LYSMD2: variants seen among roughly 807,000 people sequenced by gnomAD.
LYSMD2 encodes the protein LysM domain containing 2.
Under a neutral mutation model 17.7 loss-of-function variants are expected in LYSMD2, and 6 were observed. The observed-to-expected ratio is 0.34, with a 90% CI of 0.19 to 0.67. The LOEUF (loss-of-function observed/expected upper bound fraction) is 0.67. Ranked by LOEUF, LYSMD2 falls within the 30% of genes least tolerant of loss-of-function variation. LYSMD2 has a pLI of 0.69. For synonymous variants in LYSMD2, 102 were observed against 129.8 expected (o/e 0.79, Z 1.45); for missense variants, 237 against 286.7 (o/e 0.83, Z 1.25).
upstream of LYSMD2, among the ~76,000 whole-genome samples, chr15:51,740,427 T>A (rs1567230377): frequency 6.6e-6 from 1 of 152,250 alleles, no homozygotes; most frequent in Non-Finnish European, 1.5e-5. Context: ...ATTAAAAGCA[T>A]TTCCTTTGAA....
At chr15:51,746,238 G>T (rs896743427) in intron 1 of LYSMD2, among the ~76,000 whole-genome samples, 1 of 152,154 alleles carries the variant, frequency 6.6e-6, no homozygotes, top group Non-Finnish European at 1.5e-5. Flanking sequence ...ACAAAATGTG[G>T]TCTATCCATG....
intron 1 of LYSMD2, among the ~76,000 whole-genome samples, chr15:51,748,944 A>G (rs567676017): frequency 2.0e-5 from 3 of 152,368 alleles, no homozygotes; most frequent in East Asian, 3.9e-4. Context: ...TAATTAAAAT[A>G]CTTCATTATA....
intron 1 of LYSMD2, among the ~76,000 whole-genome samples, chr15:51,744,837 T>C (rs1397917222): frequency 6.6e-6 from 1 of 152,080 alleles, no homozygotes; most frequent in Non-Finnish European, 1.5e-5. Context: ...AAGTGTATTC[T>C]TTGAAAAGAT....
rs960109614 is a variant in LYSMD2, at chr15:51,724,885, C to T, written c.510G>A (p.Gln170=). Reference sequence around the variant, plus strand: ...AATCTCTGGCTGACACTTCCTCAGGCTGCACAGGCTGAACATCAGATTCTT... The same window carrying T: ...AATCTCTGGCTGACACTTCCTCAGGTTGCACAGGCTGAACATCAGATTCTT... ...SPQESDVQPV[Q]PEEVSARDFL... is the part of the protein sequence containing the mutation. The change falls in exon 2 of 3, where the codon CAG becomes CAA. Residue 170 remains glutamine, a synonymous_variant. Coordinates refer to ENST00000267838, the MANE Select transcript of LYSMD2 (RefSeq NM_153374.3). 6.2e-7 allele frequency: 1 copy of T among 1,614,132 alleles called. No individual in the cohort carries two copies. The highest frequency in any genetic ancestry group is 8.5e-7 in the Non-Finnish European group (1 of 1,179,996).
intron 1 of LYSMD2, among the ~76,000 whole-genome samples, chr15:51,744,617 A>T (rs2055658362): frequency 6.6e-6 from 1 of 152,052 alleles, no homozygotes; most frequent in Non-Finnish European, 1.5e-5. Flanking sequence ...TTTTCTTGTA[A>T]TATTTTTGTC....
chr15:51,733,830 TGCAAGAACCCCAA>T (rs2055591968), intron 1 of LYSMD2, among the ~76,000 whole-genome samples: 1 of 152,046 alleles, frequency 6.6e-6, no homozygotes. Flanking sequence ...GAACAGCAAG[TGCAAGAACCCCAA>T]GGAAGAACAG....
chr15:51,739,047 T>C (rs1056589221), upstream of LYSMD2, among the ~76,000 whole-genome samples: 2 of 152,340 alleles, frequency 1.3e-5, no homozygotes, highest in East Asian at 1.9e-4. Flanking sequence ...CTCTATTACA[T>C]TGTTTAAATC....
chr15:51,729,528 G>A (rs1204037588), intron 1 of LYSMD2, among the ~76,000 whole-genome samples: 4 of 152,118 alleles, frequency 2.6e-5, no homozygotes, highest in African/African-American at 9.7e-5. Context: ...GCACGATCTC[G>A]GCTCACTGCA....
At chr15:51,740,667 A>G (rs1056320403), upstream of LYSMD2, among the ~76,000 whole-genome samples, 3 of 152,262 alleles carry the variant, frequency 2.0e-5, no homozygotes, top group Admixed American at 6.5e-5. Flanking sequence ...CAAGCTCAAT[A>G]TACAAACATC....
intron 1 of LYSMD2, among the ~76,000 whole-genome samples, chr15:51,750,808 A>G (rs2055695376): frequency 6.6e-6 from 1 of 152,164 alleles, no homozygotes; most frequent in African/African-American, 2.4e-5. Flanking sequence ...ATCTCAGGGT[A>G]TATTCAGGGA....
chr15:51,735,483 CAA>C (rs964394833), intron 1 of LYSMD2, among the ~76,000 whole-genome samples: 1 of 152,182 alleles, frequency 6.6e-6, no homozygotes, highest in African/African-American at 2.4e-5. Context: ...CCCCGTGCAA[CAA>C]AGAGTTATCT....
At chr15:51,729,660 G>T (rs548121516) in intron 1 of LYSMD2, among the ~76,000 whole-genome samples, 5 of 152,236 alleles carry the variant, frequency 3.3e-5, no homozygotes, top group East Asian at 1.9e-4. Flanking sequence ...GGCTTTCGCC[G>T]TGTTAGCCAG....
intron 1 of LYSMD2, among the ~76,000 whole-genome samples, chr15:51,744,691 T>C (rs541368654): frequency 1.2e-4 from 19 of 152,310 alleles, no homozygotes; most frequent in Middle Eastern, 3.4e-3. Flanking sequence ...CCTCTGCTTC[T>C]GTTTTCTGAA....
intron 1 of LYSMD2, among the ~76,000 whole-genome samples, chr15:51,750,177 A>G (rs747589865): frequency 3.9e-5 from 6 of 152,234 alleles, no homozygotes; most frequent in African/African-American, 1.4e-4. Context: ...AATAAGTCAC[A>G]TCACCTCTCT....
At chr15:51,727,140 G>C (rs561290400) in intron 1 of LYSMD2, among the ~76,000 whole-genome samples, 1 of 152,148 alleles carries the variant, frequency 6.6e-6, no homozygotes, top group Non-Finnish European at 1.5e-5. Flanking sequence ...GAAATGGGTA[G>C]TAAGTTATCT....
At chr15:51,730,154 T>C (rs1353736788) in intron 1 of LYSMD2, among the ~76,000 whole-genome samples, 2 of 152,308 alleles carry the variant, frequency 1.3e-5, no homozygotes, top group East Asian at 3.9e-4. Context: ...GGTCACAAGT[T>C]CAAGTATGGT....
chr15:51,744,973 A>C (rs1182678763), intron 1 of LYSMD2, among the ~76,000 whole-genome samples: 1 of 152,140 alleles, frequency 6.6e-6, no homozygotes. Flanking sequence ...AATAATAAAG[A>C]ATGTTATGAA....
intron 1 of LYSMD2, among the ~76,000 whole-genome samples, chr15:51,736,717 A>T (rs7165585): frequency 6.6e-6 from 1 of 151,970 alleles, no homozygotes; most frequent in Non-Finnish European, 1.5e-5. Flanking sequence ...CCCAAGACAC[A>T]CACACTTATA....
chr15:51,744,628 T>C (rs949317572), intron 1 of LYSMD2, among the ~76,000 whole-genome samples: 2 of 152,190 alleles, frequency 1.3e-5, no homozygotes, highest in Admixed American at 6.5e-5. Flanking sequence ...TATTTTTGTC[T>C]AGTTTTGATA....
Sources: allele counts gnomAD v4.1 joint callset (sites outside exome capture counted in the v4.1 genomes callset), GRCh38; gene constraint gnomAD v4.1.1; transcripts MANE v1.5; gene names NCBI Gene and HGNC (gene_info 2026-07-23, HGNC 2026-07-21).